ESR1: variants seen among roughly 807,000 people sequenced by gnomAD.
ESR1 encodes the protein estrogen receptor 1.
ESR1 carries 12 observed loss-of-function variants against 52.7 expected under a neutral mutation model. That is an observed-to-expected ratio of 0.23 (90% CI 0.15 to 0.37). The LOEUF (loss-of-function observed/expected upper bound fraction) is 0.37, where lower values mean the gene tolerates loss of function less well. ESR1 is among the 10% of genes least tolerant of loss of function. The probability of loss-of-function intolerance (pLI) is 1.00; values close to 1 mark genes in which losing one functional copy is unlikely to be tolerated. For missense variants in ESR1, 584 were observed against 779.7 expected (o/e 0.75, Z 2.99); for synonymous variants, 305 against 316.8 (o/e 0.96, Z 0.39).
At chr6:151,987,328 C>T (rs932831318) in intron 4 of ESR1, among the ~76,000 whole-genome samples, 9 of 152,122 alleles carry the variant, frequency 5.9e-5, no homozygotes, top group Admixed American at 3.3e-4. Context: ...GCGCAATCTC[C>T]GCTCGCTGCA....
intron 5 of ESR1, among the ~76,000 whole-genome samples, chr6:152,012,086 G>A (rs897885998): frequency 1.3e-5 from 2 of 149,308 alleles, no homozygotes; most frequent in Non-Finnish European, 3.0e-5. Flanking sequence ...ATTATGAATG[G>A]TAATTTTCTA....
chr6:151,710,372 C>T (rs1780507738), intron 2 of ESR1, among the ~76,000 whole-genome samples: 1 of 151,772 alleles, frequency 6.6e-6, no homozygotes, highest in Admixed American at 6.6e-5. Context: ...GTATAAATGG[C>T]AGATGAAATA....
At chr6:151,952,802 T>C (rs2036465405) in intron 4 of ESR1, among the ~76,000 whole-genome samples, 1 of 152,252 alleles carries the variant, frequency 6.6e-6, no homozygotes, top group Non-Finnish European at 1.5e-5. Context: ...CAGAAGACTT[T>C]GCAAATGAGA....
intron 4 of ESR1, among the ~76,000 whole-genome samples, chr6:151,990,103 A>C (rs943047301): frequency 2.6e-5 from 4 of 152,170 alleles, no homozygotes; most frequent in Non-Finnish European, 5.9e-5. Context: ...AAAAACATTT[A>C]TAATGTTAAT....
intron 1 of ESR1, among the ~76,000 whole-genome samples, chr6:151,680,684 G>T (rs1164349571): frequency 6.6e-6 from 1 of 152,038 alleles, no homozygotes; most frequent in Admixed American, 6.5e-5. Flanking sequence ...GATTTTGGGG[G>T]GACACAAATC....
intron 1 of ESR1, among the ~76,000 whole-genome samples, chr6:151,694,729 G>A (rs1259040081): frequency 1.3e-5 from 2 of 151,892 alleles, no homozygotes; most frequent in African/African-American, 2.4e-5. Flanking sequence ...GGAGGTTGCA[G>A]TGAGCCGAGA....
At chr6:151,777,123 C>CT (rs768370394) in intron 2 of ESR1, among the ~76,000 whole-genome samples, 1,907 of 133,516 alleles carry the variant, frequency 0.014, 16 homozygotes, top group East Asian at 0.031. Flanking sequence ...CTTTTCTTTT[C>CT]TTTTTTTTTT....
At chr6:152,038,755 C>T (rs575799126) in intron 5 of ESR1, among the ~76,000 whole-genome samples, 11 of 152,176 alleles carry the variant, frequency 7.2e-5, no homozygotes, top group Non-Finnish European at 1.0e-4. Flanking sequence ...CTCAGCCTCC[C>T]GAGTAGCTGG....
intron 5 of ESR1, 41 bp from the exon 6 acceptor site, chr6:152,060,950 A>G (rs760309645): frequency 1.3e-6 from 2 of 1,492,148 alleles, no homozygotes. Context: ...CTGTTTTTTA[A>G]TCTTTTTATT....
chr6:151,936,619 C>T (rs1272167175), intron 3 of ESR1, among the ~76,000 whole-genome samples: 2 of 152,160 alleles, frequency 1.3e-5, no homozygotes, highest in Non-Finnish European at 2.9e-5. Context: ...ATAATAAGGG[C>T]TACATTTACC....
chr6:151,866,051 T>C (rs1789845228), intron 2 of ESR1, among the ~76,000 whole-genome samples: 2 of 152,202 alleles, frequency 1.3e-5, no homozygotes, highest in South Asian at 2.1e-4. Context: ...CTGCTTTTGT[T>C]TACTGAATGT....
At chr6:151,897,339 T>C (rs1795696987) in intron 3 of ESR1, among the ~76,000 whole-genome samples, 1 of 152,214 alleles carries the variant, frequency 6.6e-6, no homozygotes. Flanking sequence ...GTAGTAGTAA[T>C]TGTTCTATAC....
chr6:152,031,516 C>G (rs2044702361), intron 5 of ESR1, among the ~76,000 whole-genome samples: 1 of 152,170 alleles, frequency 6.6e-6, no homozygotes, highest in South Asian at 2.1e-4. Flanking sequence ...AACACCTCTA[C>G]ACAAATAAAC....
chr6:151,939,842 A>C (rs1190679238), intron 3 of ESR1, among the ~76,000 whole-genome samples: 2 of 152,110 alleles, frequency 1.3e-5, no homozygotes, highest in African/African-American at 4.8e-5. Flanking sequence ...ATCTCTGTTT[A>C]ACTGAAACAA....
intron 4 of ESR1, among the ~76,000 whole-genome samples, chr6:151,954,613 A>G (rs1042620492): frequency 6.6e-6 from 1 of 152,210 alleles, no homozygotes; most frequent in East Asian, 1.9e-4. Flanking sequence ...AACATGGCAC[A>G]TCATAACATT....
chr6:151,810,845 T>C (rs1202827390), intron 1 of ESR1, among the ~76,000 whole-genome samples: 1 of 152,232 alleles, frequency 6.6e-6, no homozygotes, highest in Non-Finnish European at 1.5e-5. Context: ...AAATATTATA[T>C]GTTCAGTAGA....
At chr6:152,057,649 C>T (rs1333492691) in intron 5 of ESR1, among the ~76,000 whole-genome samples, 7 of 151,324 alleles carry the variant, frequency 4.6e-5, no homozygotes, top group Non-Finnish European at 1.0e-4. Context: ...GATTAATAGT[C>T]AACATATGCC....
chr6:152,048,473 T>C (rs2046414496), intron 5 of ESR1, among the ~76,000 whole-genome samples: 1 of 152,148 alleles, frequency 6.6e-6, no homozygotes, highest in African/African-American at 2.4e-5. Context: ...AGCCCCATTC[T>C]TTTTCTTCTT....
chr6:152,007,948 T>G (rs2042460543), intron 4 of ESR1, among the ~76,000 whole-genome samples: 1 of 152,150 alleles, frequency 6.6e-6, no homozygotes, highest in African/African-American at 2.4e-5. Flanking sequence ...GAATTGCATA[T>G]CAGAACATTC....
Sources: allele counts gnomAD v4.1 joint callset (sites outside exome capture counted in the v4.1 genomes callset), GRCh38; gene constraint gnomAD v4.1.1; transcripts MANE v1.5; gene names NCBI Gene and HGNC (gene_info 2026-07-23, HGNC 2026-07-21).